KLF12: variants seen among roughly 807,000 people sequenced by gnomAD.
The protein encoded by KLF12 is KLF transcription factor 12.
A neutral mutation model predicts 37.8 loss-of-function variants in KLF12; 9 were observed. That is an observed-to-expected ratio of 0.24 (90% CI 0.14 to 0.42). KLF12 has a LOEUF of 0.42. KLF12 is among the 10% of genes least tolerant of loss of function. KLF12 has a pLI of 1.00. For synonymous variants in KLF12, 208 were observed against 202.1 expected (o/e 1.03, Z -0.25); for missense variants, 411 against 516.0 (o/e 0.80, Z 1.97).
intron 3 of KLF12, among the ~76,000 whole-genome samples, chr13:73,858,698 T>C (rs1473444252): frequency 6.6e-6 from 1 of 152,178 alleles, no homozygotes; most frequent in East Asian, 1.9e-4. Flanking sequence ...GTAACAGCAT[T>C]TTCCCCCCTA....
intron 6 of KLF12, among the ~76,000 whole-genome samples, chr13:73,741,686 G>A (rs1306689826): frequency 6.6e-6 from 1 of 151,984 alleles, no homozygotes; most frequent in Non-Finnish European, 1.5e-5. Flanking sequence ...TTCCCATCAT[G>A]TTTATCAATA....
chr13:73,924,467 A>AT (rs1470406111), intron 3 of KLF12, among the ~76,000 whole-genome samples: 4 of 152,090 alleles, frequency 2.6e-5, no homozygotes, highest in East Asian at 1.9e-4. Flanking sequence ...AACTACAGTG[A>AT]TTTTTTGGGG....
intron 4 of KLF12, among the ~76,000 whole-genome samples, chr13:73,839,915 C>T (rs1227365494): frequency 6.6e-6 from 1 of 152,150 alleles, no homozygotes; most frequent in African/African-American, 2.4e-5. Context: ...TTTAAAACCC[C>T]TCCCTTGAGA....
At chr13:74,154,043 C>T in the KLF12 span, among the ~76,000 whole-genome samples, 2 of 149,082 alleles carry the variant, frequency 1.3e-5, no homozygotes, top group Admixed American at 6.8e-5. Flanking sequence ...CTGGACAACA[C>T]GGTGAAACCC....
intron 1 of KLF12, among the ~76,000 whole-genome samples, chr13:74,042,766 A>G (rs962316924): frequency 8.5e-5 from 13 of 152,238 alleles, no homozygotes; most frequent in African/African-American, 3.1e-4. Flanking sequence ...AATCAGACAG[A>G]TAAGATCTAT....
At chr13:74,074,695 T>G (rs1874466718) in intron 1 of KLF12, among the ~76,000 whole-genome samples, 1 of 152,192 alleles carries the variant, frequency 6.6e-6, no homozygotes, top group Non-Finnish European at 1.5e-5. Context: ...TAAACTCATG[T>G]CATGGGGGTT....
chr13:73,790,338 T>A (rs556071450), intron 5 of KLF12, among the ~76,000 whole-genome samples: 11 of 152,196 alleles, frequency 7.2e-5, no homozygotes, highest in African/African-American at 9.6e-5. Context: ...AAACTTATTA[T>A]TCTTATAATA....
In KLF12 at chr13:73,976,853, C is replaced by T. The variant is rs560240461; in HGVS notation, c.33+18137G>A. Among the ~76,000 whole-genome samples, 179 of 152,082 alleles carry T rather than the reference C, an allele frequency of 1.2e-3. 2 individuals carry two copies. Among genetic ancestry groups the T allele is most frequent in the African/African-American group, 4.0e-3 (167 of 41,472 alleles). On this transcript the variant is annotated intron_variant, in intron 2 of 7. Transcript: ENST00000377669. ...TACACCTACTTAGCATAGTTCAAAA[C>T]GTTATGAAGTCAAAATTTTTAGAAA...
At chr13:74,074,702 GGTTTGTTGTACA>G (rs905322135) in intron 1 of KLF12, among the ~76,000 whole-genome samples, 16 of 152,114 alleles carry the variant, frequency 1.1e-4, no homozygotes, top group African/African-American at 3.1e-4. Flanking sequence ...ATGTCATGGG[GGTTTGTTGTACA>G]GATTATGTAC....
intron 4 of KLF12, chr13:73,845,160 C>CTA (rs1358538168): frequency 6.6e-6 from 1 of 152,132 alleles, no homozygotes; most frequent in African/African-American, 2.4e-5. Flanking sequence ...GCCTTCTACC[C>CTA]TAAAAGGGAA....
At chr13:73,931,084 C>G (rs549043787) in intron 3 of KLF12, among the ~76,000 whole-genome samples, 133 of 152,002 alleles carry the variant, frequency 8.7e-4, no homozygotes, top group African/African-American at 3.0e-3. Context: ...TCTCAAACTC[C>G]CAACCTCAGG....
chr13:73,838,831 T>C (rs1884578936), intron 4 of KLF12, among the ~76,000 whole-genome samples: 1 of 152,098 alleles, frequency 6.6e-6, no homozygotes, highest in African/African-American at 2.4e-5. Flanking sequence ...AGGGGAGAAA[T>C]AGCAGAGCAT....
intron 4 of KLF12, chr13:73,844,800 C>T (rs1413430944): frequency 6.6e-6 from 1 of 152,126 alleles, no homozygotes. Flanking sequence ...TTACAGGCCT[C>T]AGTAGTAATA....
intron 1 of KLF12, among the ~76,000 whole-genome samples, chr13:74,025,110 T>C (rs1331557547): frequency 6.6e-6 from 1 of 152,194 alleles, no homozygotes; most frequent in African/African-American, 2.4e-5. Context: ...CCTTTGGAAA[T>C]TTAAAGTGTC....
chr13:74,201,276 A>G, the KLF12 span, among the ~76,000 whole-genome samples: 1 of 152,196 alleles, frequency 6.6e-6, no homozygotes, highest in East Asian at 1.9e-4. Flanking sequence ...CTTTGGCAGC[A>G]TAGAATGATG....
intron 2 of KLF12, among the ~76,000 whole-genome samples, chr13:73,975,608 T>C (rs1339959770): frequency 6.6e-6 from 1 of 152,150 alleles, no homozygotes; most frequent in African/African-American, 2.4e-5. Flanking sequence ...TCATCTCCAT[T>C]TCTTTCCGAA....
chr13:73,875,495 T>C (rs1177793529), intron 3 of KLF12, among the ~76,000 whole-genome samples: 1 of 152,178 alleles, frequency 6.6e-6, no homozygotes, highest in Non-Finnish European at 1.5e-5. Context: ...AGAAATTTGA[T>C]GAAGCTTGCT....
chr13:74,132,729 C>T (rs1271397393), intron 1 of KLF12, among the ~76,000 whole-genome samples: 3 of 152,188 alleles, frequency 2.0e-5, no homozygotes, highest in Admixed American at 2.0e-4. Flanking sequence ...TGGGAAGCTG[C>T]AGGGCATATA....
At chr13:74,158,122 AAGAG>A in the KLF12 span, among the ~76,000 whole-genome samples, 3 of 152,150 alleles carry the variant, frequency 2.0e-5, no homozygotes, top group Non-Finnish European at 4.4e-5. Context: ...TGACTGAGAG[AAGAG>A]AGAGCAAGGG....
Sources: gnomAD v4.1 joint callset for allele counts (sites outside exome capture counted in the v4.1 genomes callset) on GRCh38, gnomAD v4.1.1 for gene constraint, MANE v1.5 for transcripts, NCBI Gene and HGNC (gene_info 2026-07-23, HGNC 2026-07-21) for gene names.